TRPM4: variants seen among roughly 807,000 people sequenced by gnomAD.
TRPM4 encodes calcium-activated non-selective cation channel 1.
TRPM4 carries 124 observed loss-of-function variants against 135.6 expected under a neutral mutation model. The observed-to-expected ratio is 0.91, with a 90% confidence interval of 0.79 to 1.06. The LOEUF (loss-of-function observed/expected upper bound fraction) is 1.06, where lower values mean the gene tolerates loss of function less well. Ranked by LOEUF, TRPM4 falls within the 50% of genes least tolerant of loss-of-function variation. The pLI, the probability that TRPM4 is intolerant of heterozygous loss-of-function variation, is 0.00. For synonymous variants in TRPM4, 745 were observed against 705.6 expected (o/e 1.06, Z -0.88); for missense variants, 1,658 against 1,671.4 (o/e 0.99, Z 0.14).
intron 12 of TRPM4, among the ~76,000 whole-genome samples, chr19:49,187,825 T>A (rs1242822185): frequency 6.6e-6 from 1 of 152,024 alleles, no homozygotes; most frequent in Non-Finnish European, 1.5e-5. Context: ...ATTGGTCAGG[T>A]TGGAGATGGA....
intron 9 of TRPM4, among the ~76,000 whole-genome samples, chr19:49,172,362 A>G (rs1255185623): frequency 6.6e-6 from 1 of 152,066 alleles, no homozygotes; most frequent in African/African-American, 2.4e-5. Flanking sequence ...ATCCACATGT[A>G]CAGATCGATC....
intron 12 of TRPM4, among the ~76,000 whole-genome samples, chr19:49,184,491 C>T (rs1474681413): frequency 9.9e-5 from 11 of 110,788 alleles, no homozygotes; most frequent in African/African-American, 3.3e-4. Flanking sequence ...GACAGAGTCT[C>T]GCTCAGTCGC....
intron 16 of TRPM4, among the ~76,000 whole-genome samples, chr19:49,193,892 CCTT>C (rs1485275823): frequency 2.0e-5 from 3 of 151,536 alleles, no homozygotes; most frequent in Non-Finnish European, 2.9e-5. Context: ...TTGTCATCCT[CCTT>C]CTCCTCCTCC....
Position 49,196,855 on chromosome 19 carries a change from C to G in TRPM4, c.2626C>G (p.Leu876Val). 6.3e-7 allele frequency: 1 copy of G among 1,585,862 alleles called. No individual in the cohort carries two copies. The highest frequency in any genetic ancestry group is 1.7e-5 in the Admixed American group (1 of 58,506). Residue 876 changes from leucine (L) to valine (V), a missense_variant, in exon 17 of 25, where the codon CTC (leucine) becomes GTC (valine). By Grantham distance (32) the Leu-to-Val change is conservative. This residue lies in a region of TRPM4 where 1,412 missense variants were observed against 1,408.7 expected (regional missense o/e 1.00). Transcript: ENST00000252826. ...CGACCTAGTGGCTCTCACCTGCTTC[C>G]TCCTGGGCGTGGGCTGCCGGTGAGT... ...QCDLVALTCF[L>V]LGVGCRLTPG... is the part of the protein sequence containing the mutation.
Position 49,210,742 on chromosome 19 carries a change from C to G in TRPM4, c.3361C>G (p.Leu1121Val). 3 of 1,614,188 alleles carry G rather than the reference C, an allele frequency of 1.9e-6. No homozygotes were observed. The highest frequency in any genetic ancestry group is 2.5e-6 in the Non-Finnish European group (3 of 1,180,040). The change falls in exon 22 of 25, where the codon CTG (leucine) becomes GTG (valine). Residue 1121 changes from leucine (L) to valine (V), a missense_variant. Leu to Val is a conservative substitution (Grantham distance 32). Coordinates refer to ENST00000252826, the MANE Select transcript of TRPM4 (RefSeq NM_017636.4). The surrounding 1 kb of genome is among the most constrained non-coding windows in gnomAD (Gnocchi z 4.1). Reference sequence around the variant, plus strand: ...CCTTTCTAAGGAAGCCGAGCGGAAGCTGCTAACGTGGGAATCGGTGCATAA... The same window carrying G: ...CCTTTCTAAGGAAGCCGAGCGGAAGGTGCTAACGTGGGAATCGGTGCATAA... ...VYLSKEAERK[L>V]LTWESVHKEN...
In TRPM4 at chr19:49,168,090, G is replaced by T. The variant is rs755537764; in HGVS notation, c.441G>T (p.Gln147His). Reference sequence around the variant, plus strand: ...GTCGTGGGCTGGTGCGGGCTGCCCAGAGCACAGGTGACCGAGGGTGGGTGG... The same window carrying T: ...GTCGTGGGCTGGTGCGGGCTGCCCATAGCACAGGTGACCGAGGGTGGGTGG... Reference protein sequence around the residue: ...LLRRGLVRAAQSTGAWIVTGG... With the variant: ...LLRRGLVRAAHSTGAWIVTGG... The change falls in exon 4 of 25, where the codon CAG becomes CAT. Residue 147 changes from glutamine (Q) to histidine (H), a missense_variant. Gln to His is a conservative substitution (Grantham distance 24). Transcript: ENST00000252826. 1.9e-6 allele frequency: 3 copies of T among 1,603,512 alleles called. No homozygotes were observed. The South Asian group carries it at 3.3e-5, about 18-fold the overall frequency.
intron 2 of TRPM4, among the ~76,000 whole-genome samples, chr19:49,162,830 T>C (rs1255020939): frequency 6.6e-6 from 1 of 150,746 alleles, no homozygotes; most frequent in Non-Finnish European, 1.5e-5. Context: ...GGTGCAATCT[T>C]GGCTCACTGC....
chr19:49,171,676 G>A lies in TRPM4; in HGVS notation c.957G>A (p.Leu319=), dbSNP rs1360957986. 6.2e-7 allele frequency: 1 copy of A among 1,613,632 alleles called. No individual in the cohort carries two copies. Among genetic ancestry groups the A allele is most frequent in the Non-Finnish European group, 8.5e-7 (1 of 1,179,890 alleles). ...DCLAETLEDT[L]APGSGGARQG... is the part of the protein sequence containing the mutation. ...TGGCGGAGACCCTGGAAGACACTCT[G>A]GCCCCAGGGAGTGGGGGAGCCAGGC... The change falls in exon 8 of 25, where the codon CTG becomes CTA. Residue 319 remains leucine, a synonymous_variant. Coordinates refer to ENST00000252826, the MANE Select transcript of TRPM4 (RefSeq NM_017636.4). This position sits in a 1 kb window ranked among gnomAD's most constrained non-coding sequence, Gnocchi z 4.7.
intron 17 of TRPM4, among the ~76,000 whole-genome samples, chr19:49,198,780 A>G (rs1968798426): frequency 1.3e-5 from 2 of 151,750 alleles, no homozygotes; most frequent in Non-Finnish European, 1.5e-5. Flanking sequence ...TTTGTTTTAA[A>G]TAGAGACAGG....
chr19:49,199,242 T>TG (rs1268224985), intron 17 of TRPM4, among the ~76,000 whole-genome samples: 1 of 131,342 alleles, frequency 7.6e-6, no homozygotes, highest in Admixed American at 7.4e-5. Flanking sequence ...TGCCCCCTTG[T>TG]TTTTTTTTTG....
In TRPM4 at chr19:49,200,596, C is replaced by T; in HGVS notation, c.2779-15C>T. 1.4e-5 allele frequency: 23 copies of T among 1,611,224 alleles called. No homozygotes were observed. Among genetic ancestry groups the T allele is most frequent in the Non-Finnish European group, 1.9e-5 (23 of 1,179,970 alleles). ...AGGAAAGGGCGGGGCCAGACTCAGC[C>T]ACATCTCCCCACAGATGAAGGACGT... On this transcript the variant is annotated splice_polypyrimidine_tract_variant and intron_variant, in intron 18 of 24. Transcript: ENST00000252826.
chr19:49,192,274 C>G (rs1968441000), intron 16 of TRPM4, among the ~76,000 whole-genome samples: 1 of 152,266 alleles, frequency 6.6e-6, no homozygotes, highest in African/African-American at 2.4e-5. Flanking sequence ...TCTCAAGTAG[C>G]TGGGATTACA....
Position 49,168,073 on chromosome 19 carries a change from C to T in TRPM4, c.424C>T (p.Leu142=). ...TWLQDLLRRG[L]VRAAQSTGAW... ...GCTGCAGGACCTGCTGCGTCGTGGG[C>T]TGGTGCGGGCTGCCCAGAGCACAGG... The change falls in exon 4 of 25, where the codon CTG becomes TTG. Residue 142 remains leucine (L), a synonymous_variant. Coordinates refer to ENST00000252826, the MANE Select transcript of TRPM4 (RefSeq NM_017636.4). The T allele has an allele frequency of 1.2e-6, 2 of 1,607,620 alleles. No homozygotes were observed. Among genetic ancestry groups the T allele is most frequent in the African/African-American group, 1.3e-5 (1 of 75,006 alleles).
At position 49,196,715 on chromosome 19, in the gene TRPM4, TGCGCCAGGGCCTGA is replaced by T. The variant is rs1568484875; in HGVS notation, c.2490_2503del (p.Gln831ArgfsTer123). 1.9e-6 allele frequency: 3 copies of T among 1,552,828 alleles called. No individual in the cohort carries two copies. The South Asian group carries it at 3.5e-5, about 18-fold the overall frequency. On this transcript the variant is annotated frameshift_variant, in exon 17 of 25. Coordinates refer to ENST00000252826, the MANE Select transcript of TRPM4 (RefSeq NM_017636.4). LOFTEE classifies it high-confidence loss of function. ...GCTTTCACGCTGCTGTGCGAGGAAC[TGCGCCAGGGCCTGA>T]GCGGAGGCGGGGGCAGCCTCGCCAG... is the stretch of plus-strand genomic sequence containing the variant.
chr19:49,163,207 T>A (rs931507778), intron 2 of TRPM4, among the ~76,000 whole-genome samples: 14 of 151,286 alleles, frequency 9.3e-5, no homozygotes, highest in Admixed American at 2.6e-4. Context: ...TATTTTTTTT[T>A]TTTTTTGAGG....
At position 49,171,164 on chromosome 19, in the gene TRPM4, C is replaced by A. The variant is rs1307726488; in HGVS notation, c.797-193C>A. ...GGCCAGGAGTTCGAGACCACCCTGG[C>A]CAACATAGCAAGACCCCCATTTCTA... On this transcript the variant is annotated intron_variant, in intron 6 of 24. Transcript: ENST00000252826. The surrounding 1 kb of genome is among the most constrained non-coding windows in gnomAD (Gnocchi z 4.7). Among the ~76,000 whole-genome samples, 1 of 152,008 alleles carries A rather than the reference C, an allele frequency of 6.6e-6. No homozygotes were observed. Among genetic ancestry groups the A allele is most frequent in the Non-Finnish European group, 1.5e-5 (1 of 68,006 alleles).
chr19:49,193,237 C>G (rs1341124534), intron 16 of TRPM4, among the ~76,000 whole-genome samples: 1 of 151,914 alleles, frequency 6.6e-6, no homozygotes, highest in South Asian at 2.1e-4. Context: ...CCCGCCACCA[C>G]GCCCGGCTAA....
In TRPM4 at chr19:49,210,112, G is replaced by T; in HGVS notation, c.3132-97G>T. The T allele has an allele frequency of 8.0e-7, 1 of 1,250,802 alleles. No individual in the cohort carries two copies. The allele number at this position is 1,250,802 out of a possible 1,614,324, so 77.5% of individuals were successfully genotyped here. A position where few individuals can be genotyped will look rare whatever the true frequency, so the allele number is the denominator to read the frequency against. On this transcript the variant is annotated intron_variant, in intron 20 of 24. Transcript: ENST00000252826. This position sits in a 1 kb window ranked among gnomAD's most constrained non-coding sequence, Gnocchi z 4.1. ...TTAGTGATCTTGACTTCTGTCTGCT[G>T]CTATAGACTGAACAATTATTGCCTG...
chr19:49,197,326 TTC>T (rs1202522786), intron 17 of TRPM4, among the ~76,000 whole-genome samples: 3 of 134,202 alleles, frequency 2.2e-5, no homozygotes, highest in African/African-American at 6.6e-5. Context: ...CTTTCTTTCT[TTC>T]TTTCTTTCTT....
Sources: gnomAD v4.1 joint callset for allele counts (sites outside exome capture counted in the v4.1 genomes callset) on GRCh38, gnomAD v4.1.1 for gene constraint, gnomAD v4.1.1 regional missense constraint, Gnocchi (gnomAD v3.1) non-coding constraint, MANE v1.5 for transcripts, NCBI Gene and HGNC (gene_info 2026-07-23, HGNC 2026-07-21) for gene names.